Variants in ZNF236 observed in about 807,000 individuals in gnomAD.
ZNF236 encodes zinc finger protein 236.
A neutral mutation model predicts 191.2 loss-of-function variants in ZNF236; 50 were observed. The observed-to-expected ratio is 0.26, with a 90% CI of 0.21 to 0.33. The LOEUF is 0.33. ZNF236 is among the 10% of genes least tolerant of loss of function. The probability of loss-of-function intolerance (pLI) is 1.00; values close to 1 mark genes in which losing one functional copy is unlikely to be tolerated. For missense variants in ZNF236, 1,754 were observed against 2,374.5 expected (o/e 0.74, Z 5.43); for synonymous variants, 907 against 928.8 (o/e 0.98, Z 0.43).
At chr18:76,870,328 C>A (rs184006850) in intron 4 of ZNF236, among the ~76,000 whole-genome samples, 1 of 152,210 alleles carries the variant, frequency 6.6e-6, no homozygotes, top group East Asian at 1.9e-4. Context: ...TTTAAACCCC[C>A]AAATATAATA....
At chr18:76,877,246 C>T (rs1265749361) in intron 6 of ZNF236, among the ~76,000 whole-genome samples, 4 of 152,152 alleles carry the variant, frequency 2.6e-5, no homozygotes, top group Admixed American at 6.5e-5. Flanking sequence ...TGGTGGCTCA[C>T]GTCTGTAATC....
intron 9 of ZNF236, among the ~76,000 whole-genome samples, chr18:76,889,096 A>G (rs931303637): frequency 2.6e-5 from 4 of 152,138 alleles, no homozygotes; most frequent in Admixed American, 6.5e-5. Context: ...CCCCAGCCAT[A>G]TTGAACTGGA....
intron 9 of ZNF236, among the ~76,000 whole-genome samples, chr18:76,882,612 C>T (rs1568211155): frequency 6.6e-6 from 1 of 152,334 alleles, no homozygotes; most frequent in East Asian, 1.9e-4. Context: ...CATGGAATAA[C>T]ATTGCCATTT....
At chr18:76,913,505 G>A (rs2122776250) in intron 17 of ZNF236, among the ~76,000 whole-genome samples, 1 of 152,314 alleles carries the variant, frequency 6.6e-6, no homozygotes, top group African/African-American at 2.4e-5. Context: ...TGTTTTTTAA[G>A]TAATACATTT....
intron 3 of ZNF236, among the ~76,000 whole-genome samples, chr18:76,861,141 G>A (rs1268927064): frequency 6.6e-6 from 1 of 152,182 alleles, no homozygotes; most frequent in African/African-American, 2.4e-5. Context: ...ATAACGTGTT[G>A]GCAATATGTT....
At chr18:76,839,751 C>T (rs148875571) in intron 1 of ZNF236, among the ~76,000 whole-genome samples, 2 of 152,286 alleles carry the variant, frequency 1.3e-5, no homozygotes, top group African/African-American at 4.8e-5. Context: ...GGGCTCTCCA[C>T]AGTTCTCTGT....
rs1977368263 is a variant in ZNF236 at position 76,895,242 on chromosome 18, C to T, written c.1647C>T (p.Phe549=). 3 of 1,599,962 alleles carry T rather than the reference C, an allele frequency of 1.9e-6. No individual in the cohort carries two copies. Among genetic ancestry groups the T allele is most frequent in the African/African-American group, 1.3e-5 (1 of 74,936 alleles). The change falls in exon 10 of 31, where the codon TTC becomes TTT. Residue 549 remains phenylalanine, a synonymous_variant. Transcript: ENST00000320610. ...AGTGCCAGTACTGCATGAAGAGCTT[C>T]TCCACCTCTGGCAGCCTCAAGGTGC... ...AFKCQYCMKS[F]STSGSLKVHI... is the part of the protein sequence containing the mutation.
At chr18:76,926,075 A>G (rs567504605) in intron 22 of ZNF236, among the ~76,000 whole-genome samples, 4 of 152,262 alleles carry the variant, frequency 2.6e-5, no homozygotes, top group South Asian at 4.1e-4. Flanking sequence ...CAGCCTGACC[A>G]CCACTCAGTA....
intron 27 of ZNF236, among the ~76,000 whole-genome samples, chr18:76,949,881 C>T (rs1048736808): frequency 3.3e-5 from 5 of 152,100 alleles, no homozygotes; most frequent in Non-Finnish European, 7.4e-5. Flanking sequence ...TGGTCTCAAA[C>T]TCCTGAGCTC....
intron 3 of ZNF236, among the ~76,000 whole-genome samples, chr18:76,856,370 T>C (rs1477512017): frequency 1.3e-5 from 2 of 151,998 alleles, no homozygotes; most frequent in Non-Finnish European, 1.5e-5. Context: ...TTTAGTAGAG[T>C]TGGGGCTTTG....
At chr18:76,904,579 G>A (rs763205985) in intron 12 of ZNF236, 58 bp downstream of exon 12, 98 of 1,490,586 alleles carry the variant, frequency 6.6e-5, no homozygotes, top group African/African-American at 8.5e-5. Flanking sequence ...TTAGTGACCT[G>A]ATGACGTCTA....
chr18:76,843,728 A>G (rs1975583927), intron 1 of ZNF236, among the ~76,000 whole-genome samples: 1 of 133,560 alleles, frequency 7.5e-6, no homozygotes, highest in African/African-American at 2.8e-5. Context: ...GTGAGCCAAG[A>G]TTGCACCACT....
Position 76,905,300 on chromosome 18 carries a change from G to C in ZNF236, c.2182G>C (p.Gly728Arg). ...ATGTAATGGGGCTTTCACTACTGGT[G>C]GCAGCTTACGGCGACACATGGGTAT... The part of the protein sequence containing the change: ...LICNGAFTTG[G>R]SLRRHMGIHN... The change falls in exon 13 of 31, where the codon GGC becomes CGC. Residue 728 changes from glycine to arginine, a missense_variant. By Grantham distance (125) the Gly-to-Arg change is moderately radical. Coordinates refer to ENST00000320610, the MANE Select transcript of ZNF236 (RefSeq NM_001306089.2). 6.2e-7 allele frequency: 1 copy of C among 1,614,162 alleles called. No homozygotes were observed. Among genetic ancestry groups the C allele is most frequent in the East Asian group, 2.2e-5 (1 of 44,884 alleles).
Position 76,937,160 on chromosome 18 carries a change from T to G in ZNF236, c.4599T>G (p.Leu1533=), listed in dbSNP as rs1178318128. ...PQEITLTISE[L]NTTSGSLPST... ...CTTACTTTGCCTCTTTTGTAGAACT[T>G]AACACTACAAGCGGAAGCCTTCCTT... is the stretch of plus-strand genomic sequence containing the variant. The change falls in exon 26 of 31, where the codon CTT becomes CTG. Residue 1533 remains leucine (L), a synonymous_variant. Coordinates refer to ENST00000320610, the MANE Select transcript of ZNF236 (RefSeq NM_001306089.2). 2.5e-5 allele frequency: 40 copies of G among 1,613,396 alleles called. No homozygotes were observed. The highest frequency in any genetic ancestry group is 3.3e-5 in the Non-Finnish European group (39 of 1,179,540).
intron 1 of ZNF236, chr18:76,834,978 G>GTTTTT: frequency 6.9e-6 from 1 of 145,406 alleles, no homozygotes. Context: ...TTTATTTTCT[G>GTTTTT]TTTTTTTTTT....
At chr18:76,951,415 T>C (rs1968405549) in intron 27 of ZNF236, among the ~76,000 whole-genome samples, 1 of 152,238 alleles carries the variant, frequency 6.6e-6, no homozygotes, top group South Asian at 2.1e-4. Flanking sequence ...CTGCTTCACC[T>C]TGCACTGCTA....
At chr18:76,947,095 T>C (rs960496625) in intron 26 of ZNF236, among the ~76,000 whole-genome samples, 3 of 152,060 alleles carry the variant, frequency 2.0e-5, no homozygotes, top group Admixed American at 6.5e-5. Flanking sequence ...TCTGTCTCCG[T>C]AGATGCATCC....
chr18:76,937,439 AT>A (rs201033060), intron 26 of ZNF236, 96 bp downstream of exon 26: 29,803 of 1,188,696 alleles, frequency 0.025, 518 homozygotes, highest in Non-Finnish European at 0.03. Flanking sequence ...TAGTCTGAGC[AT>A]TTTTTTTCCC....
At chr18:76,896,221 A>G (rs1035765246) in intron 10 of ZNF236, among the ~76,000 whole-genome samples, 5 of 151,608 alleles carry the variant, frequency 3.3e-5, no homozygotes, top group African/African-American at 1.2e-4. Flanking sequence ...CAAATTCAGT[A>G]TCAAACACAG....
Sources: gnomAD v4.1 joint callset for allele counts (sites outside exome capture counted in the v4.1 genomes callset) on GRCh38, gnomAD v4.1.1 for gene constraint, MANE v1.5 for transcripts, NCBI Gene and HGNC (gene_info 2026-07-23, HGNC 2026-07-21) for gene names.